Variants in GPC5 observed in about 807,000 individuals in gnomAD.
The protein encoded by GPC5 is glypican-5.
Under a neutral mutation model 53.9 loss-of-function variants are expected in GPC5, and 47 were observed. The ratio of observed to expected loss-of-function variants is 0.87; its 90% CI spans 0.69 to 1.11. The LOEUF (loss-of-function observed/expected upper bound fraction) is 1.11. GPC5 is among the 50% of genes most tolerant of loss of function. GPC5 has a pLI of 0.00. For synonymous variants in GPC5, 286 were observed against 263.3 expected, an observed-to-expected ratio of 1.09 and a Z score of -0.84; for missense variants, 748 against 713.1, an observed-to-expected ratio of 1.05 and a Z score of -0.56.
At chr13:91,727,330 C>T (rs1053934381) in intron 3 of GPC5, among the ~76,000 whole-genome samples, 1 of 152,122 alleles carries the variant, frequency 6.6e-6, no homozygotes, top group Non-Finnish European at 1.5e-5. Context: ...CCTTCTTCAC[C>T]CACCACCCCC....
chr13:92,205,856 G>A (rs2042330257), intron 7 of GPC5, among the ~76,000 whole-genome samples: 1 of 151,902 alleles, frequency 6.6e-6, no homozygotes, highest in Admixed American at 6.6e-5. Context: ...AGACCAGCCC[G>A]GCCAACATGG....
chr13:91,760,278 C>T lies in GPC5; in HGVS notation c.1280+3858C>T, dbSNP rs569651873. ...GAATTTATCTAGGAGAGTTTCTATA[C>T]AAAGTCAAGTCCTGATCACTGTTAC... On this transcript the variant is annotated intron_variant, in intron 5 of 7. Coordinates refer to ENST00000377067, the MANE Select transcript of GPC5 (RefSeq NM_004466.6). Among the ~76,000 whole-genome samples, 3 of 152,182 alleles carry T rather than the reference C, an allele frequency of 2.0e-5. No homozygotes were observed. The East Asian group carries it at 5.8e-4, about 29-fold the overall frequency.
intron 7 of GPC5, among the ~76,000 whole-genome samples, chr13:92,173,751 GT>G (rs1191093414): frequency 2.6e-5 from 4 of 152,136 alleles, no homozygotes; most frequent in Non-Finnish European, 2.9e-5. Context: ...GACCCTTGAT[GT>G]AATCAATATA....
intron 2 of GPC5, among the ~76,000 whole-genome samples, chr13:91,666,563 A>G (rs2035118222): frequency 6.6e-6 from 1 of 152,146 alleles, no homozygotes; most frequent in Non-Finnish European, 1.5e-5. Flanking sequence ...GTTTTAGGAG[A>G]CTTGACATTT....
chr13:91,733,672 T>C (rs909873059), intron 4 of GPC5, among the ~76,000 whole-genome samples: 1 of 152,214 alleles, frequency 6.6e-6, no homozygotes, highest in Non-Finnish European at 1.5e-5. Context: ...TTTTGCACAA[T>C]GATTTTTTTA....
chr13:92,031,845 A>G (rs1297571993), intron 6 of GPC5, among the ~76,000 whole-genome samples: 2 of 102,190 alleles, frequency 2.0e-5, no homozygotes, highest in African/African-American at 3.9e-5. Context: ...AATATATTAC[A>G]TATTATATAT....
intron 2 of GPC5, among the ~76,000 whole-genome samples, chr13:91,468,043 G>T (rs1260786929): frequency 2.0e-5 from 3 of 152,094 alleles, no homozygotes; most frequent in African/African-American, 7.2e-5. Context: ...CAGGCTGAAG[G>T]AGCAGCCCTA....
intron 5 of GPC5, among the ~76,000 whole-genome samples, chr13:91,770,738 G>GTA (rs1555345856): frequency 2.0e-5 from 3 of 149,316 alleles, no homozygotes; most frequent in Admixed American, 1.3e-4. Context: ...GTGTGTGTGT[G>GTA]TATGCATATG....
At chr13:92,356,092 G>T (rs888861015) in intron 7 of GPC5, among the ~76,000 whole-genome samples, 24 of 152,094 alleles carry the variant, frequency 1.6e-4, no homozygotes, top group African/African-American at 5.8e-4. Flanking sequence ...TAACTTCCCT[G>T]CTCGTTTCCA....
intron 7 of GPC5, among the ~76,000 whole-genome samples, chr13:92,468,320 G>T (rs911510976): frequency 4.6e-5 from 7 of 152,098 alleles, no homozygotes; most frequent in African/African-American, 1.2e-4. Flanking sequence ...AGCTGTGCAG[G>T]AAGTGAAGTG....
At chr13:92,252,312 A>G (rs1241152461) in intron 7 of GPC5, among the ~76,000 whole-genome samples, 2 of 152,164 alleles carry the variant, frequency 1.3e-5, no homozygotes, top group East Asian at 1.9e-4. Flanking sequence ...TGATGTTTAG[A>G]TAAACTATAG....
intron 1 of GPC5, among the ~76,000 whole-genome samples, chr13:91,439,179 A>G (rs1354562075): frequency 6.6e-6 from 1 of 152,214 alleles, no homozygotes; most frequent in South Asian, 2.1e-4. Flanking sequence ...GTTCTCAACC[A>G]GAGATGGTTA....
intron 2 of GPC5, among the ~76,000 whole-genome samples, chr13:91,588,698 G>C (rs757552301): frequency 1.3e-5 from 2 of 152,128 alleles, no homozygotes; most frequent in African/African-American, 2.4e-5. Flanking sequence ...GTCAGTGCTA[G>C]ACTTGTGCTC....
chr13:91,940,763 T>C (rs1045893535), intron 6 of GPC5, among the ~76,000 whole-genome samples: 2 of 152,158 alleles, frequency 1.3e-5, no homozygotes, highest in African/African-American at 4.8e-5. Context: ...GAGCATTTTT[T>C]CATGTGTTTA....
chr13:92,246,224 A>C (rs2042649940), intron 7 of GPC5, among the ~76,000 whole-genome samples: 1 of 152,092 alleles, frequency 6.6e-6, no homozygotes. Flanking sequence ...TAAGCTAGAG[A>C]CCTTTGTGTT....
intron 6 of GPC5, chr13:91,994,474 G>T (rs2040486145): frequency 6.6e-6 from 1 of 152,066 alleles, no homozygotes; most frequent in Admixed American, 6.6e-5. Context: ...AACAAAGAAG[G>T]AATCATACAG....
chr13:92,055,941 G>C (rs1594746235), intron 6 of GPC5, among the ~76,000 whole-genome samples: 1 of 152,152 alleles, frequency 6.6e-6, no homozygotes, highest in Non-Finnish European at 1.5e-5. Context: ...GTAGTTCACT[G>C]TTTTTACTGT....
intron 2 of GPC5, among the ~76,000 whole-genome samples, chr13:91,506,251 A>G (rs1884938191): frequency 6.6e-6 from 1 of 152,182 alleles, no homozygotes; most frequent in Non-Finnish European, 1.5e-5. Context: ...TTACTAGAGC[A>G]TAATAAATAT....
At chr13:92,246,853 A>T (rs776605906) in intron 7 of GPC5, among the ~76,000 whole-genome samples, 1 of 152,284 alleles carries the variant, frequency 6.6e-6, no homozygotes, top group East Asian at 1.9e-4. Context: ...TAAATTAGTT[A>T]ATTATAAGAG....
Sources: allele counts gnomAD v4.1 joint callset (sites outside exome capture counted in the v4.1 genomes callset), GRCh38; gene constraint gnomAD v4.1.1; transcripts MANE v1.5; gene names NCBI Gene and HGNC (gene_info 2026-07-23, HGNC 2026-07-21).